The following CLIP2 variants were observed in gnomAD, a reference collection of about 807,000 sequenced individuals.
CLIP2 encodes the protein CAP-Gly domain-containing linker protein 2.
Under a neutral mutation model 111.7 loss-of-function variants are expected in CLIP2, and 41 were observed. The ratio of observed to expected loss-of-function variants is 0.37; its 90% CI spans 0.29 to 0.48. The LOEUF (loss-of-function observed/expected upper bound fraction) is 0.48. Ranked by LOEUF, CLIP2 falls within the 20% of genes least tolerant of loss-of-function variation. The pLI, the probability that CLIP2 is intolerant of heterozygous loss-of-function variation, is 0.99. For synonymous variants in CLIP2, 660 were observed against 644.2 expected (o/e 1.02, Z -0.37); for missense variants, 1,160 against 1,422.1 (o/e 0.82, Z 2.96).
At chr7:74,362,928 G>A (rs1266738255) in intron 7 of CLIP2, among the ~76,000 whole-genome samples, 17 of 151,978 alleles carry the variant, frequency 1.1e-4, no homozygotes, top group Non-Finnish European at 2.4e-4. Context: ...TCGGCAGGTC[G>A]CCTGCCCTCT....
rs113845487 is a variant in CLIP2, at chr7:74,395,183, G to C, written c.2721-1891G>C. ...TTCTTCTTTTTTTTTTTTCTGAGAC[G>C]GAGTTTTGCTCTGTGACCCAGGCTG... is the stretch of plus-strand genomic sequence containing the variant. On this transcript the variant is annotated intron_variant, in intron 13 of 16. Coordinates refer to ENST00000223398, the MANE Select transcript of CLIP2 (RefSeq NM_003388.5). 6.6e-5 allele frequency among the ~76,000 whole-genome samples: 10 copies of C among 150,496 alleles called. No individual in the cohort carries two copies. In the East Asian group the frequency reaches 1.8e-3, roughly 26 times the overall value.
intron 2 of CLIP2, among the ~76,000 whole-genome samples, chr7:74,319,332 T>G (rs1375390988): frequency 6.6e-6 from 1 of 151,714 alleles, no homozygotes; most frequent in Non-Finnish European, 1.5e-5. Context: ...GCCAACATGG[T>G]GAAACCCCGT....
intron 7 of CLIP2, among the ~76,000 whole-genome samples, chr7:74,363,745 GA>G (rs1790399855): frequency 6.6e-6 from 1 of 151,948 alleles, no homozygotes; most frequent in Non-Finnish European, 1.5e-5. Flanking sequence ...ATTTTTTATT[GA>G]GGTTGCATGC....
chr7:74,404,001 A>T lies in CLIP2; in HGVS notation c.*153A>T. Reference sequence around the variant, plus strand: ...TACTCACCGCCGCGGACAATCCCCCACCCCGATCCCTCGCCAGACCAGGAC... The same window carrying T: ...TACTCACCGCCGCGGACAATCCCCCTCCCCGATCCCTCGCCAGACCAGGAC... On this transcript the variant is annotated 3_prime_UTR_variant, in exon 17 of 17. Coordinates refer to ENST00000223398, the MANE Select transcript of CLIP2 (RefSeq NM_003388.5). 1.2e-6 allele frequency: 1 copy of T among 815,736 alleles called. No homozygotes were observed. Among genetic ancestry groups the T allele is most frequent in the Non-Finnish European group, 2.1e-6 (1 of 482,922 alleles). 50.5% of individuals were successfully genotyped at this position (815,736 alleles called of 1,614,324 possible).
intron 1 of CLIP2, among the ~76,000 whole-genome samples, chr7:74,292,119 A>G (rs782406893): frequency 3.3e-5 from 5 of 151,792 alleles, no homozygotes; most frequent in Middle Eastern, 3.2e-3. Flanking sequence ...ACGGGGTTTC[A>G]CCATGTTGGC....
chr7:74,290,552 G>A (rs1220766939), intron 1 of CLIP2, among the ~76,000 whole-genome samples: 1 of 152,250 alleles, frequency 6.6e-6, no homozygotes, highest in African/African-American at 2.4e-5. Context: ...GGCAGAGGGA[G>A]CACCTTGGGG....
At chr7:74,339,120 C>T (rs1231637051) in intron 3 of CLIP2, 116 bp downstream of exon 3, 14 of 921,010 alleles carry the variant, frequency 1.5e-5, no homozygotes, top group African/African-American at 5.0e-5. Flanking sequence ...GAAGGGGGCT[C>T]GGACAGGGTC....
At chr7:74,380,917 G>C in intron 11 of CLIP2, 54 bp downstream of exon 11, 1 of 1,552,312 alleles carries the variant, frequency 6.4e-7, no homozygotes, top group Non-Finnish European at 8.9e-7. Context: ...AGGCTGGCTG[G>C]CTCTGCCTTC....
chr7:74,404,175 T>G lies in CLIP2; in HGVS notation c.*327T>G. 2.8e-6 allele frequency: 1 copy of G among 360,980 alleles called. No homozygotes were observed. The highest frequency in any genetic ancestry group is 3.7e-5 in the Admixed American group (1 of 26,700). 22.4% of individuals were successfully genotyped at this position (360,980 alleles called of 1,614,324 possible). A position where few individuals can be genotyped will look rare whatever the true frequency, so the allele number is the denominator to read the frequency against. Reference sequence around the variant, plus strand: ...CCAGGCCCCTCTGTCCAGAAGGAGCTGCCCTGAGGACCATCTTAGCGGCCC... The same window carrying G: ...CCAGGCCCCTCTGTCCAGAAGGAGCGGCCCTGAGGACCATCTTAGCGGCCC... On this transcript the variant is annotated 3_prime_UTR_variant, in exon 17 of 17. Coordinates refer to ENST00000223398, the MANE Select transcript of CLIP2 (RefSeq NM_003388.5).
chr7:74,388,827 A>G (rs1554315282), intron 12 of CLIP2: 2 of 275,756 alleles, frequency 7.3e-6, no homozygotes, highest in Non-Finnish European at 1.3e-5. Context: ...ATGATGGTGC[A>G]CTCCTGTAGT....
At chr7:74,356,679 A>C in intron 5 of CLIP2, 56 bp downstream of exon 5, 1 of 1,490,060 alleles carries the variant, frequency 6.7e-7, no homozygotes. Context: ...AGGGGTGAGG[A>C]TGTAAGAGAT....
Position 74,338,635 on chromosome 7 carries a change from C to A in CLIP2, c.309C>A (p.Phe103Leu). The A allele has an allele frequency of 6.4e-7, 1 of 1,564,602 alleles. No homozygotes were observed. The change falls in exon 3 of 17, where the codon TTC (phenylalanine) becomes TTA (leucine). Residue 103 changes from phenylalanine to leucine, a missense_variant. This residue lies in a region of CLIP2 where 301 missense variants were observed against 315.2 expected (regional missense o/e 0.96). Coordinates refer to ENST00000223398, the MANE Select transcript of CLIP2 (RefSeq NM_003388.5). The surrounding 1 kb of genome is among the most constrained non-coding windows in gnomAD (Gnocchi z 4.3). Reference sequence around the variant, plus strand: ...TGCAGTATCTGGGAGAGACGCAGTTCGCACCGGGCCAGTGGGCTGGCGTGG... The same window carrying A: ...TGCAGTATCTGGGAGAGACGCAGTTAGCACCGGGCCAGTGGGCTGGCGTGG... ...GVVQYLGETQ[F>L]APGQWAGVVL...
rs868943282 is a variant in CLIP2 at position 74,400,383 on chromosome 7, C to T, written c.2894C>T (p.Ser965Phe). The change falls in exon 15 of 17, where the codon TCC becomes TTC. Residue 965 changes from serine to phenylalanine, a missense_variant. Ser to Phe is a radical substitution (Grantham distance 155). This residue lies in a region of CLIP2 where 676 missense variants were observed against 777.8 expected (regional missense o/e 0.87). Transcript: ENST00000223398. ...EKLTGLDKEK[S>F]LSDQRRYSLI... ...TGCCACTTCCAGGACAAAGAGAAAT[C>T]CCTGTCGGATCAGAGGCGCTACTCC... 5.0e-6 allele frequency: 8 copies of T among 1,609,146 alleles called. No individual in the cohort carries two copies. In the South Asian group the frequency reaches 6.6e-5, roughly 13 times the overall value.
At position 74,339,298 on chromosome 7, in the gene CLIP2, CTTAT is replaced by C. The variant is rs3044358; in HGVS notation, c.678+313_678+316del. 5.6e-3 allele frequency among the ~76,000 whole-genome samples: 848 copies of C among 150,350 alleles called. 8 individuals carry two copies. Among genetic ancestry groups the C allele is most frequent in the Middle Eastern group, 0.014 (4 of 288 alleles). ...GATATTTATTTATTTACTTATTTTA[CTTAT>C]TTATTTATTTATTTATTTTTGAGAT... is the stretch of plus-strand genomic sequence containing the variant. On this transcript the variant is annotated intron_variant, in intron 3 of 16. Coordinates refer to ENST00000223398, the MANE Select transcript of CLIP2 (RefSeq NM_003388.5).
At chr7:74,353,123 C>T (rs1475154712) in intron 3 of CLIP2, among the ~76,000 whole-genome samples, 2 of 151,784 alleles carry the variant, frequency 1.3e-5, no homozygotes, top group African/African-American at 4.8e-5. Context: ...TGCACTCCAG[C>T]CTAGGCAACA....
At chr7:74,324,424 G>A (rs1459330541) in intron 2 of CLIP2, among the ~76,000 whole-genome samples, 2 of 152,238 alleles carry the variant, frequency 1.3e-5, no homozygotes, top group Admixed American at 6.6e-5. Context: ...GGAACGGACT[G>A]TAGTGTGGTG....
chr7:74,310,684 T>C (rs1428721737), intron 1 of CLIP2, among the ~76,000 whole-genome samples: 1 of 152,052 alleles, frequency 6.6e-6, no homozygotes, highest in Non-Finnish European at 1.5e-5. Context: ...TCTTGGGTGG[T>C]TGGGTTATAT....
At chr7:74,390,906 A>G (rs1791277431) in intron 13 of CLIP2, among the ~76,000 whole-genome samples, 1 of 151,018 alleles carries the variant, frequency 6.6e-6, no homozygotes, top group African/African-American at 2.4e-5. Context: ...AACATTAGCC[A>G]GGCGTGTTGG....
intron 2 of CLIP2, among the ~76,000 whole-genome samples, chr7:74,326,016 A>T (rs2116523485): frequency 6.6e-6 from 1 of 151,730 alleles, no homozygotes; most frequent in South Asian, 2.1e-4. Context: ...AGGAGGGCAG[A>T]TCACTTGAGG....
Sources: allele counts gnomAD v4.1 joint callset (sites outside exome capture counted in the v4.1 genomes callset), GRCh38; gene constraint gnomAD v4.1.1; regional missense constraint gnomAD v4.1.1; non-coding constraint Gnocchi (gnomAD v3.1); transcripts MANE v1.5; gene names NCBI Gene and HGNC (gene_info 2026-07-23, HGNC 2026-07-21).